PRLH: variants seen among roughly 807,000 people sequenced by gnomAD.
PRLH encodes the protein prolactin-releasing peptide.
Under a neutral mutation model 3.2 loss-of-function variants are expected in PRLH, and 6 were observed. That is an observed-to-expected ratio of 1.86 (90% CI 1.02 to 3.66). The LOEUF is 3.66. Among genes scored for constraint, PRLH ranks in the 30% most tolerant of loss-of-function variants. The pLI is 0.00. For synonymous variants in PRLH, 65 were observed against 51.1 expected (o/e 1.27, Z -1.16); for missense variants, 145 against 122.6 (o/e 1.18, Z -0.86).
At chr2:237,566,749 C>T in intron 1 of PRLH, 76 bp downstream of exon 1, 3 of 1,424,888 alleles carry the variant, frequency 2.1e-6, no homozygotes, top group South Asian at 1.2e-5. Flanking sequence ...CCTGGTCGCT[C>T]GAGAACCTGG....
In PRLH at chr2:237,566,644, G is replaced by A. The variant is rs370414000; in HGVS notation, c.71G>A (p.Arg24His). 30 of 1,568,888 alleles carry A rather than the reference G, an allele frequency of 1.9e-5. No individual in the cohort carries two copies. The highest frequency in any genetic ancestry group is 2.5e-5 in the Non-Finnish European group (29 of 1,157,880). The change falls in exon 1 of 2, where the codon CGT (arginine) becomes CAT (histidine). Residue 24 changes from arginine (R) to histidine (H), a missense_variant. Coordinates refer to ENST00000165524, the MANE Select transcript of PRLH (RefSeq NM_015893.1). Reference sequence around the variant, plus strand: ...CTGGCCCTGCGGGGAGCTGCAAGTCGTACCCATCGGCACTCCATGGAGATC... The same window carrying A: ...CTGGCCCTGCGGGGAGCTGCAAGTCATACCCATCGGCACTCCATGGAGATC... ...LGLALRGAAS[R>H]THRHSMEIRT...
At position 237,566,681 on chromosome 2, in the gene PRLH, C is replaced by A; in HGVS notation, c.100+8C>A. 6.5e-7 allele frequency: 1 copy of A among 1,548,982 alleles called. No individual in the cohort carries two copies. On this transcript the variant is annotated splice_region_variant and intron_variant, in intron 1 of 1. Transcript: ENST00000165524. ...ACTCCATGGAGATCCGCAGTGAGTG[C>A]CTGGACCCCTGTCAGCCTCCCTTAC...
At position 237,567,107 on chromosome 2, in the gene PRLH, C is replaced by T; in HGVS notation, c.196C>T (p.Pro66Ser). The T allele has an allele frequency of 6.2e-7, 1 of 1,614,132 alleles. No homozygotes were observed. Among genetic ancestry groups the T allele is most frequent in the Non-Finnish European group, 8.5e-7 (1 of 1,180,006 alleles). ...GGCAACCCTGGGGGACGTCCCCAAG[C>T]CTGGCCTGCGACCCCGGCTGACCTG... is the stretch of plus-strand genomic sequence containing the variant. ...RRATLGDVPK[P>S]GLRPRLTCFP... is the part of the protein sequence containing the mutation. Residue 66 changes from proline to serine, a missense_variant, in exon 2 of 2, where the codon CCT (proline) becomes TCT (serine). Transcript: ENST00000165524.
chr2:237,566,698 CT>C, intron 1 of PRLH, 25 bp downstream of exon 1: 1 of 1,541,130 alleles, frequency 6.5e-7, no homozygotes, highest in Non-Finnish European at 8.7e-7. Flanking sequence ...CCCTGTCAGC[CT>C]CCCTTACCCC....
intron 1 of PRLH, 59 bp downstream of exon 1, chr2:237,566,732 A>C: frequency 6.7e-7 from 1 of 1,482,008 alleles, no homozygotes; most frequent in Non-Finnish European, 9.1e-7. Flanking sequence ...CCCAGAACCT[A>C]GTGCAGCCTG....
chr2:237,566,944 T>C (rs2081195261), intron 1 of PRLH, 68 bp from the exon 2 acceptor site: 2 of 1,595,590 alleles, frequency 1.3e-6, no homozygotes, highest in African/African-American at 1.3e-5. Context: ...TCTGCCCCGC[T>C]GCCTCTGGGA....
chr2:237,566,627 G>A lies in PRLH; in HGVS notation c.54G>A (p.Leu18=). ...LLCLLMLGLA[L]RGAASRTHRH... ...GCCTGCTGATGCTGGGCCTGGCCCT[G>A]CGGGGAGCTGCAAGTCGTACCCATC... Residue 18 remains leucine, a synonymous_variant, in exon 1 of 2, where the codon CTG becomes CTA. Coordinates refer to ENST00000165524, the MANE Select transcript of PRLH (RefSeq NM_015893.1). 1 of 1,577,406 alleles carries A rather than the reference G, an allele frequency of 6.3e-7. No homozygotes were observed. Among genetic ancestry groups the A allele is most frequent in the Non-Finnish European group, 8.6e-7 (1 of 1,162,682 alleles).
At chr2:237,566,796 C>G (rs1410457865) in intron 1 of PRLH, 123 bp downstream of exon 1, 2 of 1,182,040 alleles carry the variant, frequency 1.7e-6, no homozygotes, top group Non-Finnish European at 2.4e-6. Flanking sequence ...GGAAGTCAGT[C>G]TTGGTGCTTT....
At position 237,566,880 on chromosome 2, in the gene PRLH, C is replaced by T. The variant is rs556126471; in HGVS notation, c.101-132C>T. 32 of 1,363,308 alleles carry T rather than the reference C, an allele frequency of 2.3e-5. 1 individual carries two copies. Among genetic ancestry groups the T allele is most frequent in the Admixed American group, 3.6e-5 (2 of 56,048 alleles). 84.5% of individuals were successfully genotyped at this position (1,363,308 alleles called of 1,614,324 possible). The stretch of plus-strand genomic sequence containing the variant: ...CCAGAACCTCTGGGTGCCTGTTCCT[C>T]GGGTGGCTCCCAGCATGGCCTGGCG... On this transcript the variant is annotated intron_variant, in intron 1 of 1. Coordinates refer to ENST00000165524, the MANE Select transcript of PRLH (RefSeq NM_015893.1).
At chr2:237,566,722 C>A in intron 1 of PRLH, 49 bp downstream of exon 1, 1 of 1,513,228 alleles carries the variant, frequency 6.6e-7, no homozygotes, top group Non-Finnish European at 8.9e-7. Context: ...CCTGCCTCAC[C>A]CCAGAACCTA....
intron 1 of PRLH, 51 bp from the exon 2 acceptor site, chr2:237,566,961 C>A (rs1252005281): frequency 1.2e-6 from 2 of 1,606,334 alleles, no homozygotes; most frequent in Non-Finnish European, 1.7e-6. Flanking sequence ...GGGAGCACAG[C>A]ACACCCTGGG....
chr2:237,566,919 G>A, intron 1 of PRLH, 93 bp from the exon 2 acceptor site: 2 of 1,544,688 alleles, frequency 1.3e-6, no homozygotes, highest in Non-Finnish European at 1.8e-6. Flanking sequence ...GGGCTGAGAG[G>A]CCCTGCCTGT....
chr2:237,566,965 C>T (rs1481655008), intron 1 of PRLH, 47 bp from the exon 2 acceptor site: 2 of 1,608,108 alleles, frequency 1.2e-6, no homozygotes, highest in South Asian at 2.2e-5. Flanking sequence ...GCACAGCACA[C>T]CCTGGGGACA....
Position 237,567,032 on chromosome 2 carries a change from T to C in PRLH, c.121T>C (p.Trp41Arg). Reference sequence around the variant, plus strand: ...TCCAGCCCCTGACATCAATCCTGCCTGGTACGCCAGTCGCGGGATCAGGCC... The same window carrying C: ...TCCAGCCCCTGACATCAATCCTGCCCGGTACGCCAGTCGCGGGATCAGGCC... ...EIRTPDINPA[W>R]YASRGIRPVG... is the part of the protein sequence containing the mutation. The change falls in exon 2 of 2, where the codon TGG (tryptophan) becomes CGG (arginine). Residue 41 changes from tryptophan (W) to arginine (R), a missense_variant. Transcript: ENST00000165524. The C allele has an allele frequency of 6.2e-7, 1 of 1,614,078 alleles. No individual in the cohort carries two copies. The highest frequency in any genetic ancestry group is 1.1e-5 in the South Asian group (1 of 91,080).
Position 237,567,157 on chromosome 2 carries a change from G to A in PRLH, c.246G>A (p.Met82Ile). 6.2e-6 allele frequency: 10 copies of A among 1,611,788 alleles called. No individual in the cohort carries two copies. The highest frequency in any genetic ancestry group is 8.5e-6 in the Non-Finnish European group (10 of 1,178,382). ...GCTTCCCCCTGGAAGGCGGTGCTAT[G>A]TCGTCCCAGGATGGCTGACAGCCAG... ...LTCFPLEGGA[M>I]SSQDG Residue 82 changes from methionine (M) to isoleucine (I), a missense_variant, in exon 2 of 2, where the codon ATG becomes ATA. Physicochemically the swap from Met to Ile is conservative, Grantham distance 10. Coordinates refer to ENST00000165524, the MANE Select transcript of PRLH (RefSeq NM_015893.1).
rs373931155 is a variant in PRLH at position 237,567,037 on chromosome 2, C to T, written c.126C>T (p.Tyr42=). The change falls in exon 2 of 2, where the codon TAC becomes TAT. Residue 42 remains tyrosine, a synonymous_variant. Coordinates refer to ENST00000165524, the MANE Select transcript of PRLH (RefSeq NM_015893.1). ...CCCCTGACATCAATCCTGCCTGGTA[C>T]GCCAGTCGCGGGATCAGGCCTGTGG... ...IRTPDINPAW[Y]ASRGIRPVGR... is the part of the protein sequence containing the mutation. 12 of 1,613,946 alleles carry T rather than the reference C, an allele frequency of 7.4e-6. No individual in the cohort carries two copies. Among genetic ancestry groups the T allele is most frequent in the East Asian group, 4.5e-5 (2 of 44,886 alleles).
At chr2:237,566,977 G>T (rs756900520) in intron 1 of PRLH, 35 bp from the exon 2 acceptor site, 2 of 1,611,246 alleles carry the variant, frequency 1.2e-6, no homozygotes, top group Non-Finnish European at 8.5e-7. Flanking sequence ...CTGGGGACAC[G>T]TGCCCATGGT....
intron 1 of PRLH, 107 bp from the exon 2 acceptor site, chr2:237,566,905 G>A (rs1419295420): frequency 2.3e-5 from 34 of 1,503,476 alleles, no homozygotes; most frequent in South Asian, 3.5e-5. Context: ...ATGGCCTGGC[G>A]ACTGGGCTGA....
At chr2:237,566,772 G>A in intron 1 of PRLH, 99 bp downstream of exon 1, 1 of 1,275,444 alleles carries the variant, frequency 7.8e-7, no homozygotes, top group Non-Finnish European at 1.1e-6. Context: ...GGAACGGGGT[G>A]CGCGGGAGGA....
Sources: gnomAD v4.1 joint callset for allele counts on GRCh38, gnomAD v4.1.1 for gene constraint, MANE v1.5 for transcripts, NCBI Gene and HGNC (gene_info 2026-07-23, HGNC 2026-07-21) for gene names.